RIN2: variants seen among roughly 807,000 people sequenced by gnomAD.
RIN2 encodes RAB5 interacting protein 2.
RIN2 carries 36 observed loss-of-function variants against 78.0 expected under a neutral mutation model. The ratio of observed to expected loss-of-function variants is 0.46; its 90% CI spans 0.35 to 0.61. The LOEUF is 0.61. Ranked by LOEUF, RIN2 falls within the 20% of genes least tolerant of loss-of-function variation. The pLI, the probability that RIN2 is intolerant of heterozygous loss-of-function variation, is 0.00. For missense variants in RIN2, 1,087 were observed against 1,159.7 expected, an observed-to-expected ratio of 0.94 and a Z score of 0.91; for synonymous variants, 466 against 466.8, an observed-to-expected ratio of 1.00 and a Z score of 0.02.
chr20:19,801,996 T>C (rs2035256598), intron 2 of RIN2, among the ~76,000 whole-genome samples: 1 of 152,098 alleles, frequency 6.6e-6, no homozygotes, highest in East Asian at 1.9e-4. Flanking sequence ...TAAACAATAA[T>C]AGGAACTGCC....
At chr20:19,846,550 A>AT (rs2036790325) in intron 2 of RIN2, among the ~76,000 whole-genome samples, 1 of 152,154 alleles carries the variant, frequency 6.6e-6, no homozygotes, top group African/African-American at 2.4e-5. Context: ...AATGTGTGTG[A>AT]TTTTTGCACA....
intron 3 of RIN2, among the ~76,000 whole-genome samples, chr20:19,930,104 G>A (rs1011473308): frequency 6.6e-6 from 1 of 151,936 alleles, no homozygotes; most frequent in Non-Finnish European, 1.5e-5. Flanking sequence ...GGGCTGGGGG[G>A]GATGCGAGGG....
intron 2 of RIN2, among the ~76,000 whole-genome samples, chr20:19,871,478 C>G (rs943031915): frequency 1.3e-5 from 2 of 152,112 alleles, no homozygotes; most frequent in African/African-American, 4.8e-5. Context: ...AATGAGGGAG[C>G]AGGGTTGAGG....
intron 7 of RIN2, among the ~76,000 whole-genome samples, chr20:19,969,991 C>G (rs1476232819): frequency 6.6e-6 from 1 of 152,230 alleles, no homozygotes; most frequent in Non-Finnish European, 1.5e-5. Flanking sequence ...AGTCATGGCC[C>G]ATGGCTGTGG....
chr20:19,805,573 T>C (rs1449739102), intron 2 of RIN2, among the ~76,000 whole-genome samples: 3 of 152,084 alleles, frequency 2.0e-5, no homozygotes, highest in Non-Finnish European at 2.9e-5. Context: ...AGCTAATTTT[T>C]GTATTTTTAG....
At chr20:19,869,200 A>C (rs1262726733) in intron 2 of RIN2, among the ~76,000 whole-genome samples, 1 of 152,188 alleles carries the variant, frequency 6.6e-6, no homozygotes, top group African/African-American at 2.4e-5. Context: ...GAGGGATTAG[A>C]AATGCAAATA....
chr20:19,772,021 C>T (rs937314646), intron 1 of RIN2, among the ~76,000 whole-genome samples: 2 of 151,930 alleles, frequency 1.3e-5, no homozygotes, highest in Non-Finnish European at 1.5e-5. Flanking sequence ...CTCCAGCTCC[C>T]TCCTGCTTCC....
intron 8 of RIN2, among the ~76,000 whole-genome samples, chr20:19,972,694 A>C (rs1045999513): frequency 1.3e-5 from 2 of 152,156 alleles, no homozygotes; most frequent in African/African-American, 4.8e-5. Flanking sequence ...TGAGATTTGT[A>C]GTTTATATGG....
At chr20:19,973,660 G>A (rs1399127697) in intron 8 of RIN2, among the ~76,000 whole-genome samples, 1 of 152,128 alleles carries the variant, frequency 6.6e-6, no homozygotes, top group African/African-American at 2.4e-5. Flanking sequence ...GTGGTGGTGT[G>A]CGCCTGTAGT....
At chr20:19,821,957 C>A (rs530445805) in intron 2 of RIN2, among the ~76,000 whole-genome samples, 2 of 152,228 alleles carry the variant, frequency 1.3e-5, no homozygotes, top group Admixed American at 1.3e-4. Context: ...GAATTGTGGG[C>A]CAAGTTTTAC....
intron 2 of RIN2, among the ~76,000 whole-genome samples, chr20:19,851,230 G>T (rs890474649): frequency 6.6e-6 from 1 of 152,166 alleles, no homozygotes; most frequent in African/African-American, 2.4e-5. Flanking sequence ...CTTGGGGCAG[G>T]TGAGATGATG....
chr20:19,814,692 C>T (rs1230626927), intron 2 of RIN2, among the ~76,000 whole-genome samples: 1 of 152,132 alleles, frequency 6.6e-6, no homozygotes, highest in Non-Finnish European at 1.5e-5. Flanking sequence ...TCCTGGAACT[C>T]AAGCATCCTC....
At chr20:19,814,438 T>G (rs1270821968) in intron 2 of RIN2, among the ~76,000 whole-genome samples, 1 of 151,720 alleles carries the variant, frequency 6.6e-6, no homozygotes, top group Non-Finnish European at 1.5e-5. Context: ...GACTTTGCCT[T>G]CCAAAATGAG....
chr20:19,838,374 A>T (rs916742575), intron 2 of RIN2, among the ~76,000 whole-genome samples: 2 of 152,218 alleles, frequency 1.3e-5, no homozygotes, highest in Admixed American at 1.3e-4. Flanking sequence ...TTAAAGTATG[A>T]TCTACGTACT....
At chr20:19,840,468 G>A (rs2036546340) in intron 2 of RIN2, among the ~76,000 whole-genome samples, 1 of 152,194 alleles carries the variant, frequency 6.6e-6, no homozygotes, top group Non-Finnish European at 1.5e-5. Flanking sequence ...CTTTTTTAAA[G>A]CGCAAACACA....
At chr20:19,953,007 CTG>C (rs2041383724) in intron 4 of RIN2, among the ~76,000 whole-genome samples, 1 of 152,216 alleles carries the variant, frequency 6.6e-6, no homozygotes, top group South Asian at 2.1e-4. Flanking sequence ...CCTGCAGAAG[CTG>C]TGAGTCTGAA....
chr20:19,903,389 T>C (rs1456307449), intron 3 of RIN2, among the ~76,000 whole-genome samples: 1 of 152,176 alleles, frequency 6.6e-6, no homozygotes, highest in Admixed American at 6.5e-5. Context: ...CCTAGTGGCC[T>C]TGAATAGTTG....
intron 3 of RIN2, among the ~76,000 whole-genome samples, chr20:19,909,097 C>T (rs867020711): frequency 6.6e-6 from 1 of 152,186 alleles, no homozygotes; most frequent in African/African-American, 2.4e-5. Context: ...CTCCTGACGT[C>T]AGGTGATCCA....
intron 1 of RIN2, among the ~76,000 whole-genome samples, chr20:19,767,967 A>G (rs1481300441): frequency 6.6e-6 from 1 of 151,224 alleles, no homozygotes; most frequent in African/African-American, 2.4e-5. Context: ...CGAAACATGG[A>G]GAGAGACGGA....
Sources: gnomAD v4.1 joint callset for allele counts (sites outside exome capture counted in the v4.1 genomes callset) on GRCh38, gnomAD v4.1.1 for gene constraint, MANE v1.5 for transcripts, NCBI Gene and HGNC (gene_info 2026-07-23, HGNC 2026-07-21) for gene names.